Variants in EPHB1 observed in about 807,000 individuals in gnomAD.
The protein encoded by EPHB1 is ephrin type-B receptor 1.
In EPHB1, 30 loss-of-function variants were observed where a neutral mutation model predicts 94.4. The ratio of observed to expected loss-of-function variants is 0.32; its 90% CI spans 0.24 to 0.43. EPHB1 has a LOEUF of 0.43. EPHB1 is among the 20% of genes least tolerant of loss of function. The pLI, the probability that EPHB1 is intolerant of heterozygous loss-of-function variation, is 1.00. For synonymous variants in EPHB1, 522 were observed against 489.1 expected (o/e 1.07, Z -0.89); for missense variants, 1,055 against 1,308.3 (o/e 0.81, Z 2.99).
At chr3:134,861,640 T>C (rs1325072632) in intron 1 of EPHB1, among the ~76,000 whole-genome samples, 3 of 151,662 alleles carry the variant, frequency 2.0e-5, no homozygotes, top group African/African-American at 4.9e-5. Context: ...AGAGGGAAGA[T>C]AAGGAAACAG....
At chr3:134,822,818 ATTGT>A (rs2036405963) in intron 1 of EPHB1, among the ~76,000 whole-genome samples, 1 of 152,034 alleles carries the variant, frequency 6.6e-6, no homozygotes, top group Admixed American at 6.5e-5. Flanking sequence ...AAATGCTGAG[ATTGT>A]TTGTGGGAGT....
chr3:134,817,364 T>A (rs1209929284), intron 1 of EPHB1, among the ~76,000 whole-genome samples: 1 of 152,160 alleles, frequency 6.6e-6, no homozygotes, highest in African/African-American at 2.4e-5. Flanking sequence ...CCGGGTGCCA[T>A]GGCTCACCCA....
At chr3:134,952,817 A>G (rs1210589218) in intron 3 of EPHB1, among the ~76,000 whole-genome samples, 1 of 152,214 alleles carries the variant, frequency 6.6e-6, no homozygotes, top group Non-Finnish European at 1.5e-5. Flanking sequence ...GTGGCAATAA[A>G]TGTGCTGAAC....
chr3:135,132,361 A>G (rs1644563899), intron 4 of EPHB1, among the ~76,000 whole-genome samples: 1 of 151,830 alleles, frequency 6.6e-6, no homozygotes, highest in African/African-American at 2.4e-5. Context: ...AATCCAGTAA[A>G]TGTTCAATAT....
chr3:134,935,187 G>T (rs2038978458), intron 2 of EPHB1, among the ~76,000 whole-genome samples: 1 of 152,180 alleles, frequency 6.6e-6, no homozygotes, highest in Non-Finnish European at 1.5e-5. Context: ...GCATTGCCCT[G>T]ACAGCCTGAA....
chr3:135,083,093 G>T (rs917532510), intron 3 of EPHB1, among the ~76,000 whole-genome samples: 5 of 152,146 alleles, frequency 3.3e-5, no homozygotes, highest in African/African-American at 9.7e-5. Flanking sequence ...TCTTCCATTT[G>T]CCTGGAATTC....
At chr3:134,836,590 A>G (rs983946544) in intron 1 of EPHB1, among the ~76,000 whole-genome samples, 3 of 152,230 alleles carry the variant, frequency 2.0e-5, no homozygotes, top group African/African-American at 7.2e-5. Flanking sequence ...AGACACTTAA[A>G]TTATTGTAAC....
chr3:135,071,450 G>T (rs993315251), intron 3 of EPHB1, among the ~76,000 whole-genome samples: 2 of 152,164 alleles, frequency 1.3e-5, no homozygotes, highest in African/African-American at 2.4e-5. Flanking sequence ...TGAATATGCT[G>T]CACTGGGGAA....
chr3:135,038,574 C>T (rs920305634), intron 3 of EPHB1, among the ~76,000 whole-genome samples: 1 of 152,166 alleles, frequency 6.6e-6, no homozygotes, highest in East Asian at 1.9e-4. Context: ...TTCTTGGTCT[C>T]ACTGACTTCA....
At chr3:135,075,109 T>A (rs569165776) in intron 3 of EPHB1, among the ~76,000 whole-genome samples, 1 of 152,326 alleles carries the variant, frequency 6.6e-6, no homozygotes, top group African/African-American at 2.4e-5. Context: ...AGGTGCTGGA[T>A]ACAAGAAGCA....
rs1488980557 is a variant in EPHB1 at position 135,187,628 on chromosome 3, C to T, written c.1883-4948C>T. Among the ~76,000 whole-genome samples, 8 of 152,256 alleles carry T rather than the reference C, an allele frequency of 5.3e-5. No homozygotes were observed. In the East Asian group the frequency reaches 1.5e-3, roughly 29 times the overall value. ...TTGTTATTAATAATAGCAATACGCC[C>T]ATCGACTCCTGCCTCTCTATAAGGC... On this transcript the variant is annotated intron_variant, in intron 10 of 15. Coordinates refer to ENST00000398015, the MANE Select transcript of EPHB1 (RefSeq NM_004441.5).
chr3:135,239,914 G>A (rs188195560), intron 12 of EPHB1, among the ~76,000 whole-genome samples: 1 of 152,258 alleles, frequency 6.6e-6, no homozygotes, highest in East Asian at 1.9e-4. Context: ...TTAACACTGG[G>A]CTGTGTAGGT....
At position 134,986,711 on chromosome 3, in the gene EPHB1, A is replaced by AACACACACACACACACACAC. The variant is rs60628273; in HGVS notation, c.805+34673_805+34692dup. Among the ~76,000 whole-genome samples, 79 of 145,726 alleles carry AACACACACACACACACACAC rather than the reference A, an allele frequency of 5.4e-4. 1 individual carries two copies. Among genetic ancestry groups the AACACACACACACACACACAC allele is most frequent in the East Asian group, 1.3e-3 (6 of 4,786 alleles). ...TATAAACTTTTGATTTAAAGATATT[A>AACACACACACACACACACAC]ACACACACACACACACACACACACA... On this transcript the variant is annotated intron_variant, in intron 3 of 15. Coordinates refer to ENST00000398015, the MANE Select transcript of EPHB1 (RefSeq NM_004441.5).
chr3:134,936,491 A>G (rs973199540), intron 2 of EPHB1, among the ~76,000 whole-genome samples: 12 of 152,168 alleles, frequency 7.9e-5, no homozygotes, highest in African/African-American at 2.9e-4. Context: ...AATTGCTGGG[A>G]AGGGCAGGGA....
intron 1 of EPHB1, among the ~76,000 whole-genome samples, chr3:134,829,105 C>T (rs1361317744): frequency 6.6e-6 from 1 of 152,210 alleles, no homozygotes; most frequent in African/African-American, 2.4e-5. Flanking sequence ...AAAAGGAAAA[C>T]TCTCATATGG....
At chr3:134,873,601 T>C (rs1433609366) in intron 1 of EPHB1, among the ~76,000 whole-genome samples, 1 of 152,184 alleles carries the variant, frequency 6.6e-6, no homozygotes, top group Non-Finnish European at 1.5e-5. Flanking sequence ...ATGCACCGAG[T>C]TGATGGTCTT....
At chr3:135,245,414 C>G (rs897944930) in intron 13 of EPHB1, among the ~76,000 whole-genome samples, 4 of 151,324 alleles carry the variant, frequency 2.6e-5, no homozygotes. Context: ...GCTGACCTGC[C>G]CAGAAAGGAG....
intron 12 of EPHB1, among the ~76,000 whole-genome samples, chr3:135,235,558 C>A (rs1943631249): frequency 6.6e-6 from 1 of 152,126 alleles, no homozygotes; most frequent in African/African-American, 2.4e-5. Flanking sequence ...GCTTGGGCAC[C>A]ACTCCGAGAA....
chr3:134,947,899 G>A (rs1185866967), intron 2 of EPHB1, among the ~76,000 whole-genome samples: 1 of 151,816 alleles, frequency 6.6e-6, no homozygotes, highest in Non-Finnish European at 1.5e-5. Flanking sequence ...CAAGCAATCC[G>A]CCCACTTCAG....
Sources: gnomAD v4.1 joint callset for allele counts (sites outside exome capture counted in the v4.1 genomes callset) on GRCh38, gnomAD v4.1.1 for gene constraint, MANE v1.5 for transcripts, NCBI Gene and HGNC (gene_info 2026-07-23, HGNC 2026-07-21) for gene names.